The following CSMD1 variants were observed in gnomAD, a reference collection of about 807,000 sequenced individuals.
CSMD1 encodes CUB and sushi domain-containing protein 1.
In CSMD1, 213 loss-of-function variants were observed where a neutral mutation model predicts 417.5. The observed-to-expected ratio is 0.51, with a 90% confidence interval of 0.46 to 0.57. CSMD1 has a LOEUF of 0.57. Among genes scored for constraint, CSMD1 ranks in the 20% least tolerant of loss-of-function variants. The pLI is 0.00. For missense variants in CSMD1, 6,923 were observed against 4,529.7 expected (o/e 1.53, Z -15.17); for synonymous variants, 2,862 against 1,736.8 (o/e 1.65, Z -16.11).
intron 57 of CSMD1, among the ~76,000 whole-genome samples, chr8:2,970,208 G>T (rs1423350921): frequency 6.6e-6 from 1 of 152,136 alleles, no homozygotes; most frequent in East Asian, 1.9e-4. Flanking sequence ...AACTCATAGT[G>T]TGCCTTCATA....
intron 50 of CSMD1, 133 bp downstream of exon 50, chr8:3,052,329 G>A: frequency 1.6e-6 from 1 of 620,676 alleles, no homozygotes. Context: ...TTTTAATATT[G>A]CTATGATGAA....
At chr8:4,255,979 C>T (rs564122072) in intron 3 of CSMD1, among the ~76,000 whole-genome samples, 17 of 152,258 alleles carry the variant, frequency 1.1e-4, no homozygotes, top group South Asian at 8.3e-4. Flanking sequence ...GGTGAAAATA[C>T]GACTACGTGC....
chr8:4,021,071 G>C (rs985635476), intron 4 of CSMD1, among the ~76,000 whole-genome samples: 3 of 152,166 alleles, frequency 2.0e-5, no homozygotes, highest in Admixed American at 6.5e-5. Context: ...AGCTCTACAA[G>C]CATTAGCAAT....
At chr8:2,990,965 C>T (rs550819632) in intron 54 of CSMD1, among the ~76,000 whole-genome samples, 1 of 152,340 alleles carries the variant, frequency 6.6e-6, no homozygotes, top group South Asian at 2.1e-4. Flanking sequence ...TCAATGTGAT[C>T]TTTTCCCTTC....
At chr8:3,560,277 C>T (rs1370596716) in intron 10 of CSMD1, among the ~76,000 whole-genome samples, 1 of 152,044 alleles carries the variant, frequency 6.6e-6, no homozygotes, top group East Asian at 1.9e-4. Flanking sequence ...TACTTAGAAG[C>T]ATTTCCACAT....
At chr8:3,854,609 A>C (rs1338186806) in intron 5 of CSMD1, among the ~76,000 whole-genome samples, 1 of 152,080 alleles carries the variant, frequency 6.6e-6, no homozygotes, top group East Asian at 1.9e-4. Context: ...GAGATTCCTA[A>C]ATCTGGTAGC....
At chr8:3,110,862 G>A (rs958438623) in intron 42 of CSMD1, among the ~76,000 whole-genome samples, 11 of 152,194 alleles carry the variant, frequency 7.2e-5, no homozygotes, top group African/African-American at 2.7e-4. Flanking sequence ...GTGGTGTTTT[G>A]CGGAAGCATT....
At chr8:3,399,264 G>C in intron 16 of CSMD1, 127 bp downstream of exon 16, 1 of 769,074 alleles carries the variant, frequency 1.3e-6, no homozygotes, top group Non-Finnish European at 2.0e-6. Context: ...GCCTGTTTCT[G>C]GTAAAGTGTG....
intron 1 of CSMD1, among the ~76,000 whole-genome samples, chr8:4,798,710 TA>T (rs892056093): frequency 3.3e-5 from 5 of 151,906 alleles, no homozygotes; most frequent in South Asian, 2.1e-4. Context: ...ACCAATTTGT[TA>T]AAAAAAAGTA....
chr8:3,758,517 G>A (rs1324334634), intron 5 of CSMD1, among the ~76,000 whole-genome samples: 1 of 152,162 alleles, frequency 6.6e-6, no homozygotes, highest in Non-Finnish European at 1.5e-5. Context: ...AGGGCCAGGA[G>A]CTAATCTTAT....
intron 1 of CSMD1, among the ~76,000 whole-genome samples, chr8:4,953,718 C>T (rs1047923096): frequency 3.3e-5 from 5 of 152,080 alleles, no homozygotes; most frequent in African/African-American, 1.2e-4. Context: ...GCTAAATTTG[C>T]CTGTTCCAAG....
At chr8:3,271,677 C>G (rs35108557) in intron 26 of CSMD1, among the ~76,000 whole-genome samples, 41,739 of 152,024 alleles carry the variant, frequency 0.27, 5,948 homozygotes, top group African/African-American at 0.34. Context: ...TCTCTGATAG[C>G]CAGTGATGAT....
At position 4,265,939 on chromosome 8, in the gene CSMD1, G is replaced by A. The variant is rs1804203566; in HGVS notation, c.415+154014C>T. The stretch of plus-strand genomic sequence containing the variant: ...GAAATAGATTTCCCCCCATTGCCCA[G>A]GAGACGGGGAACCATGGCCCCCACT... On this transcript the variant is annotated intron_variant, in intron 3 of 69. Transcript: ENST00000635120. Among the ~76,000 whole-genome samples, 2 of 103,664 alleles carry A rather than the reference G, an allele frequency of 1.9e-5. 1 individual carries two copies. Among genetic ancestry groups the A allele is most frequent in the Admixed American group, 1.8e-4 (2 of 10,842 alleles). 68.0% of individuals were successfully genotyped at this position (103,664 alleles called of 152,430 possible).
At chr8:4,330,914 C>T (rs1237770774) in intron 3 of CSMD1, among the ~76,000 whole-genome samples, 3 of 152,056 alleles carry the variant, frequency 2.0e-5, no homozygotes, top group African/African-American at 7.2e-5. Flanking sequence ...TGCCCAGCAC[C>T]CTACATTGGA....
chr8:3,619,594 G>C (rs1324385492), intron 7 of CSMD1, among the ~76,000 whole-genome samples: 3 of 152,018 alleles, frequency 2.0e-5, no homozygotes, highest in Admixed American at 6.6e-5. Flanking sequence ...CAAATTCAAG[G>C]AGATTAATGA....
intron 1 of CSMD1, among the ~76,000 whole-genome samples, chr8:4,677,265 A>C (rs768911080): frequency 1.3e-5 from 2 of 151,828 alleles, no homozygotes; most frequent in Admixed American, 6.6e-5. Context: ...ACTTTGTTGA[A>C]GGAATCCAAC....
chr8:4,456,154 T>C (rs1297115565), intron 2 of CSMD1, among the ~76,000 whole-genome samples: 1 of 147,416 alleles, frequency 6.8e-6, no homozygotes, highest in Non-Finnish European at 1.5e-5. Flanking sequence ...TAACAGAGAG[T>C]GGTCCCTGTC....
chr8:3,870,555 G>T (rs1000430669), intron 5 of CSMD1, among the ~76,000 whole-genome samples: 1 of 152,062 alleles, frequency 6.6e-6, no homozygotes, highest in African/African-American at 2.4e-5. Flanking sequence ...GAAATGTCCA[G>T]CCATTTCTCT....
chr8:3,760,458 T>C (rs1797930782), intron 5 of CSMD1, among the ~76,000 whole-genome samples: 1 of 152,180 alleles, frequency 6.6e-6, no homozygotes. Flanking sequence ...TTTCTCCAAA[T>C]AATTGTACCA....
Sources: gnomAD v4.1 joint callset for allele counts (sites outside exome capture counted in the v4.1 genomes callset) on GRCh38, gnomAD v4.1.1 for gene constraint, MANE v1.5 for transcripts, NCBI Gene and HGNC (gene_info 2026-07-23, HGNC 2026-07-21) for gene names.